Variants in ARHGAP26 observed in about 807,000 individuals in gnomAD.
ARHGAP26 encodes Rho GTPase activating protein 26.
In ARHGAP26, 38 loss-of-function variants were observed where a neutral mutation model predicts 104.8. The ratio of observed to expected loss-of-function variants is 0.36; its 90% CI spans 0.28 to 0.48. The LOEUF (loss-of-function observed/expected upper bound fraction) is 0.48. Ranked by LOEUF, ARHGAP26 falls within the 20% of genes least tolerant of loss-of-function variation. ARHGAP26 has a pLI of 0.99. For missense variants in ARHGAP26, 704 were observed against 947.9 expected (o/e 0.74, Z 3.38); for synonymous variants, 341 against 340.0 (o/e 1.00, Z -0.03).
chr5:142,802,694 T>A (rs1365459179), intron 1 of ARHGAP26, among the ~76,000 whole-genome samples: 2 of 152,112 alleles, frequency 1.3e-5, no homozygotes, highest in African/African-American at 2.4e-5. Flanking sequence ...TTTTTTTTTT[T>A]AACAGCTGTA....
chr5:142,771,516 C>A, intron 1 of ARHGAP26: 1 of 878,150 alleles, frequency 1.1e-6, no homozygotes, highest in Non-Finnish European at 1.5e-6. Context: ...TCAGTACGTG[C>A]GCAGGTTCTG....
At chr5:142,805,710 C>T (rs1203192633) in intron 1 of ARHGAP26, among the ~76,000 whole-genome samples, 1 of 152,206 alleles carries the variant, frequency 6.6e-6, no homozygotes, top group Non-Finnish European at 1.5e-5. Flanking sequence ...GAAAGATGAG[C>T]TGGACAGATT....
chr5:143,084,829 G>A (rs988596335), intron 17 of ARHGAP26, among the ~76,000 whole-genome samples: 2 of 152,080 alleles, frequency 1.3e-5, no homozygotes, highest in South Asian at 4.1e-4. Context: ...GAAAGATCAC[G>A]TGGTCAGGAG....
chr5:143,176,877 T>C (rs1803540902), intron 20 of ARHGAP26, among the ~76,000 whole-genome samples: 1 of 152,226 alleles, frequency 6.6e-6, no homozygotes, highest in Non-Finnish European at 1.5e-5. Context: ...TAAATGCCTT[T>C]AGGATCTAAT....
chr5:142,867,525 C>A (rs1356737943), intron 1 of ARHGAP26, among the ~76,000 whole-genome samples: 1 of 152,068 alleles, frequency 6.6e-6, no homozygotes, highest in Non-Finnish European at 1.5e-5. Flanking sequence ...TCTCAGTTTT[C>A]CCAGATACGG....
At chr5:143,027,477 C>T (rs955703708) in intron 12 of ARHGAP26, among the ~76,000 whole-genome samples, 1 of 151,798 alleles carries the variant, frequency 6.6e-6, no homozygotes, top group Non-Finnish European at 1.5e-5. Flanking sequence ...AGCCACTGCA[C>T]CTGGCTGACT....
At chr5:142,890,500 A>T (rs1758507349) in intron 5 of ARHGAP26, among the ~76,000 whole-genome samples, 1 of 151,834 alleles carries the variant, frequency 6.6e-6, no homozygotes, top group Non-Finnish European at 1.5e-5. Flanking sequence ...AGACCATGGT[A>T]GAGGCCATGA....
chr5:143,060,458 G>C (rs948255954), intron 17 of ARHGAP26, among the ~76,000 whole-genome samples: 1 of 152,044 alleles, frequency 6.6e-6, no homozygotes, highest in South Asian at 2.1e-4. Flanking sequence ...AGTATTGGGT[G>C]GGGGGAAGGA....
intron 20 of ARHGAP26, among the ~76,000 whole-genome samples, chr5:143,179,478 C>A (rs1293690406): frequency 6.6e-6 from 1 of 152,218 alleles, no homozygotes; most frequent in African/African-American, 2.4e-5. Context: ...GATCACTGCT[C>A]CTGCACATTG....
In ARHGAP26 at chr5:143,147,297, T is replaced by A. The variant is rs2150982041; in HGVS notation, c.1904T>A (p.Leu635His). 1 of 1,614,102 alleles carries A rather than the reference T, an allele frequency of 6.2e-7. No homozygotes were observed. The highest frequency in any genetic ancestry group is 2.2e-5 in the East Asian group (1 of 44,872). ...ESVSSNPNSI[L>H]NSSSSLQPNM... ...GTCTCATCAAATCCAAACAGCATCC[T>A]TAATTCCAGCAGCAGCTTACAGCCC... is the stretch of plus-strand genomic sequence containing the variant. Residue 635 changes from leucine (L) to histidine (H), a missense_variant, in exon 20 of 23, where the codon CTT (leucine) becomes CAT (histidine). Physicochemically the swap from Leu to His is moderately conservative, Grantham distance 99. Transcript: ENST00000645722.
At chr5:143,082,891 G>T (rs1790019961) in intron 17 of ARHGAP26, among the ~76,000 whole-genome samples, 1 of 152,142 alleles carries the variant, frequency 6.6e-6, no homozygotes, top group African/African-American at 2.4e-5. Flanking sequence ...AACGTCACGG[G>T]TTTTTGAGTT....
intron 1 of ARHGAP26, among the ~76,000 whole-genome samples, chr5:142,797,451 G>T (rs1425814934): frequency 1.3e-5 from 2 of 152,234 alleles, no homozygotes; most frequent in East Asian, 3.8e-4. Flanking sequence ...CTGACTCAAG[G>T]ATTTGTCAGG....
At chr5:143,178,173 T>C (rs1252051820) in intron 20 of ARHGAP26, among the ~76,000 whole-genome samples, 1 of 151,938 alleles carries the variant, frequency 6.6e-6, no homozygotes, top group African/African-American at 2.4e-5. Flanking sequence ...CTAATTTTTG[T>C]ATTTTCAGTA....
chr5:142,775,693 A>G lies in ARHGAP26; in HGVS notation c.154+4778A>G, dbSNP rs149972366. 2.6e-3 allele frequency among the ~76,000 whole-genome samples: 400 copies of G among 152,174 alleles called. 2 individuals are homozygous for G. Among genetic ancestry groups the G allele is most frequent in the African/African-American group, 9.3e-3 (385 of 41,508 alleles). ...TTCTGCTGTCTGTATGAATTTACCT[A>G]TTCTGTGTACTTCTTATGAGTGGAA... On this transcript the variant is annotated intron_variant, in intron 1 of 22. Coordinates refer to ENST00000645722, the MANE Select transcript of ARHGAP26 (RefSeq NM_001135608.3).
chr5:142,814,733 G>T (rs1031473137), intron 1 of ARHGAP26, among the ~76,000 whole-genome samples: 1 of 152,196 alleles, frequency 6.6e-6, no homozygotes, highest in Non-Finnish European at 1.5e-5. Flanking sequence ...CTCATCACCT[G>T]TGTGACCTTG....
chr5:143,145,344 A>G (rs1799028862), intron 19 of ARHGAP26, among the ~76,000 whole-genome samples: 1 of 152,186 alleles, frequency 6.6e-6, no homozygotes, highest in Non-Finnish European at 1.5e-5. Context: ...AGTTAATACA[A>G]CTGTTTTTCT....
At chr5:143,102,133 G>T (rs1793340192) in intron 17 of ARHGAP26, among the ~76,000 whole-genome samples, 1 of 152,134 alleles carries the variant, frequency 6.6e-6, no homozygotes, top group Non-Finnish European at 1.5e-5. Context: ...TAGACAGCAG[G>T]ACCGTGAGTA....
At chr5:142,843,897 T>C (rs1447714210) in intron 1 of ARHGAP26, among the ~76,000 whole-genome samples, 1 of 152,174 alleles carries the variant, frequency 6.6e-6, no homozygotes, top group East Asian at 1.9e-4. Context: ...CTCTGCCATT[T>C]GTTAGTTATG....
At chr5:142,891,695 G>C (rs1434664517) in intron 5 of ARHGAP26, among the ~76,000 whole-genome samples, 1 of 151,966 alleles carries the variant, frequency 6.6e-6, no homozygotes, top group Admixed American at 6.5e-5. Context: ...AAGGAACACT[G>C]AAAGAAATAT....
Sources: gnomAD v4.1 joint callset for allele counts (sites outside exome capture counted in the v4.1 genomes callset) on GRCh38, gnomAD v4.1.1 for gene constraint, MANE v1.5 for transcripts, NCBI Gene and HGNC (gene_info 2026-07-23, HGNC 2026-07-21) for gene names.